The following ISCA1 variants were observed in gnomAD, a reference collection of about 807,000 sequenced individuals.
ISCA1 encodes the protein iron-sulfur cluster assembly 1.
ISCA1 carries 9 observed loss-of-function variants against 14.7 expected under a neutral mutation model. The observed-to-expected ratio is 0.61, with a 90% CI of 0.37 to 1.07. The LOEUF is 1.07. ISCA1 is among the 50% of genes least tolerant of loss of function. ISCA1 has a pLI of 0.01. For missense variants in ISCA1, 102 were observed against 150.1 expected (o/e 0.68, Z 1.67); for synonymous variants, 38 against 54.3 (o/e 0.70, Z 1.32).
At chr9:86,269,960 TA>T (rs1398952083) in intron 3 of ISCA1, among the ~76,000 whole-genome samples, 1 of 152,006 alleles carries the variant, frequency 6.6e-6, no homozygotes, top group African/African-American at 2.4e-5. Flanking sequence ...ATTAAAGACT[TA>T]AACGTTAGAC....
intron 3 of ISCA1, among the ~76,000 whole-genome samples, chr9:86,269,629 G>A (rs1430657526): frequency 2.6e-5 from 4 of 151,090 alleles, no homozygotes; most frequent in South Asian, 2.1e-4. Flanking sequence ...AACCCGCATC[G>A]CCAAGTCAAT....
At chr9:86,271,389 T>C (rs1825366971) in intron 3 of ISCA1, among the ~76,000 whole-genome samples, 3 of 152,194 alleles carry the variant, frequency 2.0e-5, no homozygotes, top group African/African-American at 7.2e-5. Context: ...TTTCTCAGAA[T>C]GTATCTCCAA....
chr9:86,266,495 A>G (rs9695849), intron 3 of ISCA1, among the ~76,000 whole-genome samples: 114,295 of 151,976 alleles, frequency 0.75, 44,576 homozygotes, highest in East Asian at 0.99. Context: ...AGTTTGCAAC[A>G]TGAAGAAAAT....
At chr9:86,271,975 A>G in intron 3 of ISCA1, 32 bp downstream of exon 3, 2 of 1,267,786 alleles carry the variant, frequency 1.6e-6, no homozygotes, top group Non-Finnish European at 2.3e-6. Flanking sequence ...AGGCAAAACA[A>G]TGTGCCCAAA....
chr9:86,282,298 T>G, intron 1 of ISCA1, 80 bp downstream of exon 1: 1 of 1,448,712 alleles, frequency 6.9e-7, no homozygotes, highest in Non-Finnish European at 9.2e-7. Context: ...GCGGCCCCAC[T>G]CCCGGCCGCC....
At position 86,282,499 on chromosome 9, in the gene ISCA1, G is replaced by A. The variant is rs776723307; in HGVS notation, c.-41C>T. 1.3e-6 allele frequency: 2 copies of A among 1,549,886 alleles called. No individual in the cohort carries two copies. Reference sequence around the variant, plus strand: ...GCCCCGGTGCCTCGGGCCGAAGGTCGGCCGCCTCAGCTTCTCTCCATGGAC... The same window carrying A: ...GCCCCGGTGCCTCGGGCCGAAGGTCAGCCGCCTCAGCTTCTCTCCATGGAC... On this transcript the variant is annotated 5_prime_UTR_variant, in exon 1 of 4. Transcript: ENST00000375991.
intron 1 of ISCA1, among the ~76,000 whole-genome samples, chr9:86,280,678 T>A (rs1241253823): frequency 6.7e-6 from 1 of 149,826 alleles, no homozygotes; most frequent in Non-Finnish European, 1.5e-5. Context: ...GGACCAGGCA[T>A]GGTGGCTCAC....
chr9:86,274,449 A>G (rs535822541), intron 1 of ISCA1, among the ~76,000 whole-genome samples: 23 of 152,278 alleles, frequency 1.5e-4, no homozygotes, highest in African/African-American at 4.6e-4. Context: ...ATCTGCTAGC[A>G]ACATCCTTTT....
chr9:86,268,241 A>T (rs1218547647), intron 3 of ISCA1, among the ~76,000 whole-genome samples: 1 of 152,080 alleles, frequency 6.6e-6, no homozygotes, highest in African/African-American at 2.4e-5. Context: ...CAATGGGATG[A>T]GGGGAGGTGG....
chr9:86,269,610 C>CAA (rs61324769), intron 3 of ISCA1, among the ~76,000 whole-genome samples: 2 of 145,838 alleles, frequency 1.4e-5, no homozygotes, highest in African/African-American at 5.0e-5. Context: ...CATATGGAAC[C>CAA]AAAAAAAAAA....
chr9:86,274,718 T>C (rs537947185), intron 1 of ISCA1, among the ~76,000 whole-genome samples: 1 of 152,128 alleles, frequency 6.6e-6, no homozygotes, highest in East Asian at 1.9e-4. Flanking sequence ...TTCTAATCCA[T>C]CAAAATGCAT....
At chr9:86,280,090 G>T (rs1014941761) in intron 1 of ISCA1, among the ~76,000 whole-genome samples, 1 of 152,206 alleles carries the variant, frequency 6.6e-6, no homozygotes, top group Admixed American at 6.5e-5. Context: ...TACTGAAGCA[G>T]AGGGGAGCAA....
chr9:86,282,310 T>TGAC, intron 1 of ISCA1, 68 bp downstream of exon 1: 2 of 1,485,558 alleles, frequency 1.3e-6, no homozygotes, highest in African/African-American at 2.8e-5. Context: ...CCGGCCGCCG[T>TGAC]GACCTCCCCT....
chr9:86,276,563 C>A (rs985961997), intron 1 of ISCA1, among the ~76,000 whole-genome samples: 1 of 152,078 alleles, frequency 6.6e-6, no homozygotes, highest in Non-Finnish European at 1.5e-5. Context: ...CATAGCCTGG[C>A]TGGGCCTGGT....
intron 3 of ISCA1, 28 bp downstream of exon 3, chr9:86,271,979 G>C (rs190800005): frequency 7.6e-7 from 1 of 1,313,644 alleles, no homozygotes; most frequent in Non-Finnish European, 1.1e-6. Flanking sequence ...AAAACAATGT[G>C]CCCAAAAAAT....
In ISCA1 at chr9:86,264,967, A is replaced by G. The variant is rs574788956; in HGVS notation, c.*1076T>C. On this transcript the variant is annotated 3_prime_UTR_variant, in exon 4 of 4. Transcript: ENST00000375991. Reference sequence around the variant, plus strand: ...ACTGGGAATTTTAACAAAAGATTACACATTCTCCTGTACAGTGAGGACCAC... The same window carrying G: ...ACTGGGAATTTTAACAAAAGATTACGCATTCTCCTGTACAGTGAGGACCAC... 1 of 152,360 alleles carries G rather than the reference A, an allele frequency of 6.6e-6. No homozygotes were observed. Among genetic ancestry groups the G allele is most frequent in the Middle Eastern group, 3.4e-3 (1 of 294 alleles). The allele number at this position is 152,360 out of a possible 1,614,324, so 9.4% of individuals were successfully genotyped here. A position where few individuals can be genotyped will look rare whatever the true frequency, so the allele number is the denominator to read the frequency against.
At chr9:86,269,014 G>A (rs939685149) in intron 3 of ISCA1, among the ~76,000 whole-genome samples, 1 of 151,780 alleles carries the variant, frequency 6.6e-6, no homozygotes, top group Admixed American at 6.6e-5. Flanking sequence ...CAGGCTGGTC[G>A]TGAACTCCTG....
chr9:86,266,595 C>A (rs10780754), intron 3 of ISCA1, among the ~76,000 whole-genome samples: 2 of 151,810 alleles, frequency 1.3e-5, no homozygotes, highest in Non-Finnish European at 2.9e-5. Flanking sequence ...TAAAGATGTA[C>A]AAAGGACTGT....
chr9:86,267,697 G>T, intron 3 of ISCA1: 1 of 547,050 alleles, frequency 1.8e-6, no homozygotes, highest in Non-Finnish European at 2.3e-6. Flanking sequence ...ACCAGGCATG[G>T]TGGTGGGCGC....
Sources: allele counts gnomAD v4.1 joint callset (sites outside exome capture counted in the v4.1 genomes callset), GRCh38; gene constraint gnomAD v4.1.1; transcripts MANE v1.5; gene names NCBI Gene and HGNC (gene_info 2026-07-23, HGNC 2026-07-21).